TAB3: variants seen among roughly 807,000 people sequenced by gnomAD.
The protein encoded by TAB3 is TGF-beta-activated kinase 1 and MAP3K7-binding protein 3.
A neutral mutation model predicts 48.1 loss-of-function variants in TAB3; 18 were observed. The observed-to-expected ratio is 0.37, with a 90% CI of 0.26 to 0.55. TAB3 has a LOEUF of 0.55. Among genes scored for constraint, TAB3 ranks in the 20% least tolerant of loss-of-function variants. The pLI, the probability that TAB3 is intolerant of heterozygous loss-of-function variation, is 0.78. For missense variants in TAB3, 414 were observed against 549.8 expected (o/e 0.75, Z 2.47); for synonymous variants, 185 against 190.2 (o/e 0.97, Z 0.22).
intron 4 of TAB3, among the ~76,000 whole-genome samples, chrX:30,866,891 A>AAAG (rs58440336): frequency 9.3e-6 from 1 of 108,028 alleles, no homozygotes; most frequent in East Asian, 2.9e-4. Context: ...AAAAAAAAAA[A>AAAG]GATTACAGTG....
intron 4 of TAB3, among the ~76,000 whole-genome samples, chrX:30,865,003 G>T (rs1384049003): frequency 1.8e-5 from 2 of 111,457 alleles, no homozygotes; most frequent in Non-Finnish European, 3.8e-5. Context: ...CTGCAGCCTG[G>T]CCTTGCTTCA....
At chrX:30,881,865 G>A (rs1193758257) in intron 1 of TAB3, among the ~76,000 whole-genome samples, 1 of 111,554 alleles carries the variant, frequency 9.0e-6, no homozygotes, top group Non-Finnish European at 1.9e-5. Context: ...TAACTTCTAG[G>A]GGATTTCCAC....
At chrX:30,858,623 G>A (rs1458182075) in intron 5 of TAB3, among the ~76,000 whole-genome samples, 1 of 111,971 alleles carries the variant, frequency 8.9e-6, no homozygotes, top group Non-Finnish European at 1.9e-5. Flanking sequence ...CTGTGTGTGA[G>A]GAAGACCAGT....
chrX:30,869,837 C>T (rs1434992384), intron 2 of TAB3, among the ~76,000 whole-genome samples: 2 of 112,004 alleles, frequency 1.8e-5, no homozygotes, highest in Non-Finnish European at 3.8e-5. Flanking sequence ...AAATGTACTA[C>T]GTGATGACTA....
intron 1 of TAB3, among the ~76,000 whole-genome samples, chrX:30,884,550 A>G (rs1365525221): frequency 1.8e-5 from 2 of 109,520 alleles, no homozygotes; most frequent in Non-Finnish European, 3.8e-5. Flanking sequence ...AAATGAACAC[A>G]GCGTGCTTAC....
intron 1 of TAB3, among the ~76,000 whole-genome samples, chrX:30,885,303 A>G (rs1245345794): frequency 8.9e-6 from 1 of 112,415 alleles, no homozygotes; most frequent in Non-Finnish European, 1.9e-5. Context: ...AAGCCCGCTC[A>G]CAAAAGCCTA....
In TAB3 at chrX:30,855,431, G is replaced by A. The variant is rs148779121; in HGVS notation, c.234C>T (p.Ile78=). ...CTGGGTGATAGCTACTAGGAGAATG[G>A]ATACCCAGGTTAATATGTAAAAGGC... ...RNRLLHINLG[I]HSPSSYHPGD... The change falls in exon 6 of 11, where the codon ATC becomes ATT. Residue 78 remains isoleucine (I), a synonymous_variant. Coordinates refer to ENST00000288422, the MANE Select transcript of TAB3 (RefSeq NM_152787.5). The A allele has an allele frequency of 5.5e-5, 67 of 1,209,526 alleles. No individual in the cohort carries two copies. Among genetic ancestry groups the A allele is most frequent in the Non-Finnish European group, 7.0e-5 (63 of 895,068 alleles).
chrX:30,884,041 C>T (rs1176078137), intron 1 of TAB3, among the ~76,000 whole-genome samples: 3 of 111,307 alleles, frequency 2.7e-5, no homozygotes, highest in Non-Finnish European at 5.7e-5. Flanking sequence ...AATGGTGTTA[C>T]TGAAAAAAAT....
intron 6 of TAB3, among the ~76,000 whole-genome samples, chrX:30,853,593 T>G (rs1208665594): frequency 1.8e-5 from 2 of 112,936 alleles, no homozygotes; most frequent in East Asian, 5.5e-4. Flanking sequence ...ATGAATATTC[T>G]TTCTAAACTA....
rs764198053 is a variant in TAB3 at position 30,833,248 on chromosome X, T to C, written c.1990+803A>G. On this transcript the variant is annotated intron_variant, in intron 10 of 10. Coordinates refer to ENST00000288422, the MANE Select transcript of TAB3 (RefSeq NM_152787.5). Reference sequence around the variant, plus strand: ...CCTCCCAAAGTGCTGGGATTACAGGTGTGAGCCACCGCACCCGGCCTACTA... The same window carrying C: ...CCTCCCAAAGTGCTGGGATTACAGGCGTGAGCCACCGCACCCGGCCTACTA... Among the ~76,000 whole-genome samples, 18 of 109,065 alleles carry C rather than the reference T, an allele frequency of 1.7e-4. No individual in the cohort carries two copies. In the South Asian group the frequency reaches 2.0e-3, roughly 12 times the overall value. The allele number at this position is 109,065 out of a possible 115,157, so 94.7% of individuals were successfully genotyped here. A position where few individuals can be genotyped will look rare whatever the true frequency, so the allele number is the denominator to read the frequency against.
chrX:30,873,825 G>A (rs1048450773), intron 1 of TAB3, among the ~76,000 whole-genome samples: 2 of 111,581 alleles, frequency 1.8e-5, no homozygotes, highest in African/African-American at 6.5e-5. Flanking sequence ...TTATATTACT[G>A]ATAAGGCTTC....
chrX:30,857,396 A>G (rs1322410137), intron 5 of TAB3, among the ~76,000 whole-genome samples: 2 of 111,528 alleles, frequency 1.8e-5, no homozygotes, highest in Non-Finnish European at 3.8e-5. Flanking sequence ...TCACTGACAG[A>G]CATCTGAAGG....
chrX:30,866,970 A>C (rs1427938825), intron 4 of TAB3, 145 bp downstream of exon 4: 1 of 110,416 alleles, frequency 9.1e-6, no homozygotes, highest in Non-Finnish European at 1.9e-5. Context: ...AGTCACGTTG[A>C]TAGTATGGAC....
intron 5 of TAB3, 56 bp downstream of exon 5, chrX:30,859,431 C>T: frequency 1.1e-6 from 1 of 942,262 alleles, no homozygotes; most frequent in East Asian, 3.1e-5. Flanking sequence ...CACACATCAC[C>T]AGCTCTAATA....
intron 1 of TAB3, among the ~76,000 whole-genome samples, chrX:30,877,371 A>C (rs939521197): frequency 2.7e-5 from 3 of 112,597 alleles, no homozygotes; most frequent in African/African-American, 6.5e-5. Flanking sequence ...AGATAGAGAA[A>C]GGAATGAAGA....
At chrX:30,868,316 T>TTTTATATATATATAGCTTA (rs1569221031) in intron 2 of TAB3, among the ~76,000 whole-genome samples, 137 of 1,474 alleles carry the variant, frequency 0.093, 55 homozygotes, top group African/African-American at 0.35. Flanking sequence ...TATATATAGC[T>TTTTATATATATATAGCTTA]TATATATATA....
intron 1 of TAB3, among the ~76,000 whole-genome samples, chrX:30,880,162 G>A (rs1032908338): frequency 3.6e-5 from 4 of 112,016 alleles, no homozygotes; most frequent in Non-Finnish European, 7.5e-5. Flanking sequence ...TTTTGTGGGT[G>A]TGTGTGGAAA....
chrX:30,884,273 C>T (rs1459285174), intron 1 of TAB3, among the ~76,000 whole-genome samples: 3 of 111,712 alleles, frequency 2.7e-5, no homozygotes, highest in African/African-American at 6.5e-5. Flanking sequence ...ATGACGACAA[C>T]GTAATAATAA....
chrX:30,833,003 C>T (rs577968372), intron 10 of TAB3, among the ~76,000 whole-genome samples: 20 of 103,066 alleles, frequency 1.9e-4, no homozygotes, highest in Admixed American at 1.8e-3. Context: ...CGGAGTCTTG[C>T]TCTGTTGCCC....
Sources: allele counts gnomAD v4.1 joint callset (sites outside exome capture counted in the v4.1 genomes callset), GRCh38; gene constraint gnomAD v4.1.1; transcripts MANE v1.5; gene names NCBI Gene and HGNC (gene_info 2026-07-23, HGNC 2026-07-21).